Variants in AGAP1 observed in about 807,000 individuals in gnomAD.
AGAP1 encodes ArfGAP with GTPase domain, ankyrin repeat and PH domain 1.
In AGAP1, 29 loss-of-function variants were observed where a neutral mutation model predicts 105.3. The ratio of observed to expected loss-of-function variants is 0.28; its 90% CI spans 0.21 to 0.38. The LOEUF is 0.38. Ranked by LOEUF, AGAP1 falls within the 10% of genes least tolerant of loss-of-function variation. The pLI, the probability that AGAP1 is intolerant of heterozygous loss-of-function variation, is 1.00. For missense variants in AGAP1, 998 were observed against 1,165.1 expected (o/e 0.86, Z 2.09); for synonymous variants, 509 against 485.9 (o/e 1.05, Z -0.63).
chr2:235,718,775 T>G (rs1951242109), intron 3 of AGAP1, among the ~76,000 whole-genome samples: 1 of 152,056 alleles, frequency 6.6e-6, no homozygotes, highest in Non-Finnish European at 1.5e-5. Context: ...TCTAGGAAGA[T>G]TAGAGGTGAT....
rs189017541 is a variant in AGAP1, at chr2:235,872,777, G to A, written c.1051-10568G>A. Among the ~76,000 whole-genome samples, 2 of 152,304 alleles carry A rather than the reference G, an allele frequency of 1.3e-5. No homozygotes were observed. Among genetic ancestry groups the A allele is most frequent in the Admixed American group, 6.5e-5 (1 of 15,304 alleles). ...AAGCGACGGGCCCCCTGTCTTCCCC[G>A]ATTGGTTTCCATTTAGCTGCTGCAC... On this transcript the variant is annotated intron_variant, in intron 9 of 17. Transcript: ENST00000304032. The surrounding 1 kb of genome is among the most constrained non-coding windows in gnomAD (Gnocchi z 4.5).
Position 235,994,796 on chromosome 2 carries a change from A to G in AGAP1, c.1645+26173A>G, listed in dbSNP as rs1291489028. Among the ~76,000 whole-genome samples the G allele has an allele frequency of 2.0e-5, 3 of 151,282 alleles. No individual in the cohort carries two copies. The highest frequency in any genetic ancestry group is 3.9e-4 in the East Asian group (2 of 5,166). ...CTAAAATTAGAATAGGCCGGGCCCA[A>G]TGGCTCACACCTGTAATCCTAGCAC... is the stretch of plus-strand genomic sequence containing the variant. On this transcript the variant is annotated intron_variant, in intron 13 of 17. Coordinates refer to ENST00000304032, the MANE Select transcript of AGAP1 (RefSeq NM_001037131.3). The surrounding 1 kb of genome is among the most constrained non-coding windows in gnomAD (Gnocchi z 4.4).
intron 12 of AGAP1, among the ~76,000 whole-genome samples, chr2:235,933,531 TAAGGA>T (rs1441820295): frequency 2.7e-4 from 36 of 131,440 alleles, no homozygotes; most frequent in African/African-American, 1.1e-3. Flanking sequence ...CTGTATTTTC[TAAGGA>T]TTTTTTTTTT....
rs1952579991 is a variant in AGAP1 at position 235,741,479 on chromosome 2, A to G, written c.396+431A>G. 6.6e-6 allele frequency among the ~76,000 whole-genome samples: 1 copy of G among 152,186 alleles called. No homozygotes were observed. Among genetic ancestry groups the G allele is most frequent in the African/African-American group, 2.4e-5 (1 of 41,460 alleles). On this transcript the variant is annotated intron_variant, in intron 4 of 17. Transcript: ENST00000304032. This position sits in a 1 kb window ranked among gnomAD's most constrained non-coding sequence, Gnocchi z 4.9. ...CACCTTCTCTCTGTCTCTGGTAACT[A>G]CAGGCATTGGCCCCTCTGTGCCGCC... is the stretch of plus-strand genomic sequence containing the variant.
intron 9 of AGAP1, among the ~76,000 whole-genome samples, chr2:235,876,948 A>G (rs2049775900): frequency 6.6e-6 from 1 of 151,618 alleles, no homozygotes; most frequent in Admixed American, 6.6e-5. Flanking sequence ...CCCGGGTTCA[A>G]GCAATTCTTC....
At chr2:235,763,803 T>A (rs1000810932) in intron 6 of AGAP1, among the ~76,000 whole-genome samples, 54 of 152,340 alleles carry the variant, frequency 3.5e-4, no homozygotes, top group African/African-American at 1.1e-3. Context: ...TAATCTGTTT[T>A]GTTATCTGAT....
rs999440589 is a variant in AGAP1, at chr2:235,882,207, G to C, written c.1051-1138G>C. Reference sequence around the variant, plus strand: ...CAGAGAATTTGGCAATCTGATTGGGGGTGGTCCTTCAGAGACCCACAGGCC... The same window carrying C: ...CAGAGAATTTGGCAATCTGATTGGGCGTGGTCCTTCAGAGACCCACAGGCC... On this transcript the variant is annotated intron_variant, in intron 9 of 17. Coordinates refer to ENST00000304032, the MANE Select transcript of AGAP1 (RefSeq NM_001037131.3). This position sits in a 1 kb window ranked among gnomAD's most constrained non-coding sequence, Gnocchi z 4.6. Among the ~76,000 whole-genome samples, 1 of 152,086 alleles carries C rather than the reference G, an allele frequency of 6.6e-6. No homozygotes were observed. Among genetic ancestry groups the C allele is most frequent in the Non-Finnish European group, 1.5e-5 (1 of 68,028 alleles).
In AGAP1 at chr2:236,001,330, C is replaced by T. The variant is rs1041324829; in HGVS notation, c.1645+32707C>T. 6.6e-6 allele frequency among the ~76,000 whole-genome samples: 1 copy of T among 152,208 alleles called. No homozygotes were observed. The highest frequency in any genetic ancestry group is 6.5e-5 in the Admixed American group (1 of 15,284). On this transcript the variant is annotated intron_variant, in intron 13 of 17. Transcript: ENST00000304032. This position sits in a 1 kb window ranked among gnomAD's most constrained non-coding sequence, Gnocchi z 4.7. Reference sequence around the variant, plus strand: ...ATTTTTGTGGTTTCACGCCACCCAGCGTGCGGTGCATTGTGGCAGGTGCAG... The same window carrying T: ...ATTTTTGTGGTTTCACGCCACCCAGTGTGCGGTGCATTGTGGCAGGTGCAG...
chr2:236,094,109 T>G (rs1282687832), intron 16 of AGAP1, among the ~76,000 whole-genome samples: 1 of 152,096 alleles, frequency 6.6e-6, no homozygotes, highest in Non-Finnish European at 1.5e-5. Context: ...CTCAGCTGTA[T>G]AACACCTGAA....
At position 235,960,521 on chromosome 2, in the gene AGAP1, G is replaced by A. The variant is rs2054135895; in HGVS notation, c.1484-7941G>A. Reference sequence around the variant, plus strand: ...GGTATGCTCGGTCCAGTGCAGGTGGGCGTGCGGACTCTTCCGTACCTCACT... The same window carrying A: ...GGTATGCTCGGTCCAGTGCAGGTGGACGTGCGGACTCTTCCGTACCTCACT... On this transcript the variant is annotated intron_variant, in intron 12 of 17. Transcript: ENST00000304032. This position sits in a 1 kb window ranked among gnomAD's most constrained non-coding sequence, Gnocchi z 4.9. 1.3e-5 allele frequency among the ~76,000 whole-genome samples: 2 copies of A among 152,122 alleles called. No individual in the cohort carries two copies. The highest frequency in any genetic ancestry group is 4.8e-5 in the African/African-American group (2 of 41,424).
In AGAP1 at chr2:236,036,724, C is replaced by G. The variant is rs765710390; in HGVS notation, c.1800+9C>G. The G allele has an allele frequency of 6.2e-7, 1 of 1,614,008 alleles. No individual in the cohort carries two copies. The highest frequency in any genetic ancestry group is 1.3e-5 in the African/African-American group (1 of 75,046). On this transcript the variant is annotated intron_variant, in intron 14 of 17. Coordinates refer to ENST00000304032, the MANE Select transcript of AGAP1 (RefSeq NM_001037131.3). This position sits in a 1 kb window ranked among gnomAD's most constrained non-coding sequence, Gnocchi z 5.7. ...AGAGCAGCAAGAACAAGGTGAGGCCCCTGGCTGCCCAAAACCAAGGCTGGG... is the reference window on the plus strand; with the variant it reads ...AGAGCAGCAAGAACAAGGTGAGGCCGCTGGCTGCCCAAAACCAAGGCTGGG...
At chr2:235,821,686 T>G (rs778968261) in intron 9 of AGAP1, among the ~76,000 whole-genome samples, 2 of 152,218 alleles carry the variant, frequency 1.3e-5, no homozygotes, top group African/African-American at 2.4e-5. Context: ...GAAATTAGTA[T>G]TGGTAAGGTA....
intron 16 of AGAP1, among the ~76,000 whole-genome samples, chr2:236,069,750 T>C (rs2058449317): frequency 6.6e-6 from 1 of 152,196 alleles, no homozygotes; most frequent in African/African-American, 2.4e-5. Context: ...GAAAATGTGA[T>C]TACATGGGGA....
chr2:235,974,931 A>G (rs558136138), intron 13 of AGAP1, among the ~76,000 whole-genome samples: 2 of 152,352 alleles, frequency 1.3e-5, no homozygotes, highest in African/African-American at 2.4e-5. Flanking sequence ...TGGAGATAAG[A>G]CATGCAAGAA....
chr2:235,806,521 C>G (rs1274562748), intron 8 of AGAP1, among the ~76,000 whole-genome samples: 1 of 152,120 alleles, frequency 6.6e-6, no homozygotes, highest in Non-Finnish European at 1.5e-5. Flanking sequence ...CCCTTCCTGC[C>G]CGGTGGCAGC....
In AGAP1 at chr2:235,993,697, G is replaced by A. The variant is rs1352958364; in HGVS notation, c.1645+25074G>A. 5.9e-5 allele frequency among the ~76,000 whole-genome samples: 9 copies of A among 152,274 alleles called. No individual in the cohort carries two copies. The South Asian group carries it at 6.2e-4, about 11-fold the overall frequency. On this transcript the variant is annotated intron_variant, in intron 13 of 17. Coordinates refer to ENST00000304032, the MANE Select transcript of AGAP1 (RefSeq NM_001037131.3). The surrounding 1 kb of genome is among the most constrained non-coding windows in gnomAD (Gnocchi z 5.0). Reference sequence around the variant, plus strand: ...TACCAAATTAAGGGCTCTGAGGAACGCTTCCTTTGAAAATACCCTAGTTTA... The same window carrying A: ...TACCAAATTAAGGGCTCTGAGGAACACTTCCTTTGAAAATACCCTAGTTTA...
chr2:235,568,234 G>A (rs1010990315), intron 1 of AGAP1, among the ~76,000 whole-genome samples: 1 of 152,192 alleles, frequency 6.6e-6, no homozygotes, highest in African/African-American at 2.4e-5. Flanking sequence ...GCTTGGTGAT[G>A]CCCCGCCAGC....
rs1248374567 is a variant in AGAP1, at chr2:235,660,532, A to C, written c.164-48647A>C. Among the ~76,000 whole-genome samples the C allele has an allele frequency of 6.6e-6, 1 of 152,078 alleles. No individual in the cohort carries two copies. Among genetic ancestry groups the C allele is most frequent in the Non-Finnish European group, 1.5e-5 (1 of 67,992 alleles). On this transcript the variant is annotated intron_variant, in intron 1 of 17. Coordinates refer to ENST00000304032, the MANE Select transcript of AGAP1 (RefSeq NM_001037131.3). The surrounding 1 kb of genome is among the most constrained non-coding windows in gnomAD (Gnocchi z 5.3). Reference sequence around the variant, plus strand: ...GCCAAGGAAGAGTGCCCAGGTGTGCACAGGTGTGCCCAGGTATGAGGGGAG... The same window carrying C: ...GCCAAGGAAGAGTGCCCAGGTGTGCCCAGGTGTGCCCAGGTATGAGGGGAG...
Position 235,550,304 on chromosome 2 carries a change from C to T in AGAP1, c.163+55455C>T, listed in dbSNP as rs1438815175. Among the ~76,000 whole-genome samples the T allele has an allele frequency of 6.6e-6, 1 of 152,188 alleles. No individual in the cohort carries two copies. Among genetic ancestry groups the T allele is most frequent in the African/African-American group, 2.4e-5 (1 of 41,456 alleles). ...CCACGTTCATGCCCTGTACTAGGGT[C>T]CCCTCTGGCACTCTTTCTCTGGGGC... On this transcript the variant is annotated intron_variant, in intron 1 of 17. Coordinates refer to ENST00000304032, the MANE Select transcript of AGAP1 (RefSeq NM_001037131.3). The surrounding 1 kb of genome is among the most constrained non-coding windows in gnomAD (Gnocchi z 4.6).
Sources: gnomAD v4.1 joint callset for allele counts (sites outside exome capture counted in the v4.1 genomes callset) on GRCh38, gnomAD v4.1.1 for gene constraint, Gnocchi (gnomAD v3.1) non-coding constraint, MANE v1.5 for transcripts, NCBI Gene and HGNC (gene_info 2026-07-23, HGNC 2026-07-21) for gene names.